The following CEP295 variants were observed in gnomAD, a reference collection of about 807,000 sequenced individuals.
The protein encoded by CEP295 is centrosomal protein 295, also known as centrosomal protein of 295 kDa.
In CEP295, 190 loss-of-function variants were observed where a neutral mutation model predicts 291.6. That is an observed-to-expected ratio of 0.65 (90% CI 0.58 to 0.73). The LOEUF (loss-of-function observed/expected upper bound fraction) is 0.73. Among genes scored for constraint, CEP295 ranks in the 30% least tolerant of loss-of-function variants. The probability of loss-of-function intolerance (pLI) is 0.00; values close to 1 mark genes in which losing one functional copy is unlikely to be tolerated. For missense variants in CEP295, 2,863 were observed against 2,949.4 expected (o/e 0.97, Z 0.68); for synonymous variants, 993 against 1,038.8 (o/e 0.96, Z 0.85).
rs1951953913 is a variant in CEP295 at position 93,698,288 on chromosome 11, C to G, written c.3376C>G (p.Leu1126Val). The change falls in exon 15 of 30, where the codon CTT becomes GTT. Residue 1126 changes from leucine (L) to valine (V), a missense_variant. Leu to Val is a conservative substitution (Grantham distance 32). Coordinates refer to ENST00000325212, the MANE Select transcript of CEP295 (RefSeq NM_033395.2). The part of the protein sequence containing the change: ...AKAEPRRIQE[L>V]YLSEKENVGP... ...AGCTGAGCCTAGGAGAATTCAGGAG[C>G]TTTATTTATCTGAGAAGGAGAATGT... 8 of 1,551,794 alleles carry G rather than the reference C, an allele frequency of 5.2e-6. No homozygotes were observed. Among genetic ancestry groups the G allele is most frequent in the Non-Finnish European group, 7.0e-6 (8 of 1,146,980 alleles).
intron 6 of CEP295, among the ~76,000 whole-genome samples, chr11:93,678,018 T>C (rs1444252444): frequency 6.6e-6 from 1 of 152,178 alleles, no homozygotes; most frequent in East Asian, 1.9e-4. Context: ...TTGTGGTCCC[T>C]AACTTTTTCT....
chr11:93,689,892 T>C (rs1951431474), intron 10 of CEP295, among the ~76,000 whole-genome samples: 1 of 152,178 alleles, frequency 6.6e-6, no homozygotes, highest in Non-Finnish European at 1.5e-5. Context: ...TCTAGACATA[T>C]ATATGATATT....
Position 93,698,017 on chromosome 11 carries a change from C to T in CEP295, c.3105C>T (p.Asp1035=), listed in dbSNP as rs1350995289. ...SEKGLVSCQS[D]IPISQDGSLS... is the part of the protein sequence containing the mutation. ...AAGGACTTGTTTCATGCCAATCTGACATCCCCATATCTCAGGATGGGTCTT... is the reference window on the plus strand; with the variant it reads ...AAGGACTTGTTTCATGCCAATCTGATATCCCCATATCTCAGGATGGGTCTT... The change falls in exon 15 of 30, where the codon GAC becomes GAT. Residue 1035 remains aspartate, a synonymous_variant. Coordinates refer to ENST00000325212, the MANE Select transcript of CEP295 (RefSeq NM_033395.2). 1 of 1,551,780 alleles carries T rather than the reference C, an allele frequency of 6.4e-7. No homozygotes were observed. The highest frequency in any genetic ancestry group is 2.0e-5 in the Admixed American group (1 of 51,002).
chr11:93,700,292 C>G, intron 15 of CEP295, 106 bp downstream of exon 15: 1 of 1,022,430 alleles, frequency 9.8e-7, no homozygotes, highest in Non-Finnish European at 1.4e-6. Flanking sequence ...AGTAGTTTGA[C>G]CTTAACTGTG....
intron 6 of CEP295, among the ~76,000 whole-genome samples, chr11:93,676,113 G>A (rs989630774): frequency 1.3e-5 from 2 of 151,828 alleles, no homozygotes; most frequent in Non-Finnish European, 2.9e-5. Flanking sequence ...TTTCATGGTA[G>A]CATTTATTTA....
Position 93,691,692 on chromosome 11 carries a change from G to C in CEP295, c.1346G>C (p.Ser449Thr), listed in dbSNP as rs1485374735. 5.2e-6 allele frequency: 8 copies of C among 1,535,722 alleles called. No homozygotes were observed. The highest frequency in any genetic ancestry group is 4.0e-5 in the Admixed American group (2 of 49,790). The change falls in exon 11 of 30, where the codon AGT becomes ACT. Residue 449 changes from serine (S) to threonine (T), a missense_variant. This residue lies in a region of CEP295 where 554 missense variants were observed against 576.0 expected (regional missense o/e 0.96). Coordinates refer to ENST00000325212, the MANE Select transcript of CEP295 (RefSeq NM_033395.2). ...GTATTATCTATTACAGTTGTTGAAA[G>C]TGATACACTAACAATTGAGTCTGGA... ...LSSGQEQVVESDTLTIESGPL... is the reference protein window; with the variant it reads ...LSSGQEQVVETDTLTIESGPL...
At position 93,696,765 on chromosome 11, in the gene CEP295, C is replaced by T. The variant is rs964704092; in HGVS notation, c.1853C>T (p.Ser618Leu). The T allele has an allele frequency of 6.4e-6, 10 of 1,551,434 alleles. No individual in the cohort carries two copies. In the Admixed American group the frequency reaches 1.8e-4, roughly 27 times the overall value. Residue 618 changes from serine (S) to leucine (L), a missense_variant, in exon 15 of 30, where the codon TCA (serine) becomes TTA (leucine). Physicochemically the swap from Ser to Leu is moderately radical, Grantham distance 145. Transcript: ENST00000325212. ...TTAAAAGGAAGGTGCCCATCGGTGT[C>T]AGCTCCATCATTGATAACTGATTCT... ...TMLKGRCPSV[S>L]APSLITDSVI...
intron 18 of CEP295, among the ~76,000 whole-genome samples, chr11:93,707,930 C>T (rs960660266): frequency 6.6e-6 from 1 of 152,118 alleles, no homozygotes; most frequent in Non-Finnish European, 1.5e-5. Flanking sequence ...AAAAAATTGA[C>T]TTTAACATCT....
chr11:93,690,508 G>A (rs1229905231), intron 10 of CEP295, among the ~76,000 whole-genome samples: 2 of 149,016 alleles, frequency 1.3e-5, no homozygotes, highest in African/African-American at 5.0e-5. Flanking sequence ...GCAGTGAGCC[G>A]AGATCGGGCC....
At position 93,698,815 on chromosome 11, in the gene CEP295, T is replaced by C. The variant is rs1452053591; in HGVS notation, c.3903T>C (p.Thr1301=). Residue 1301 remains threonine, a synonymous_variant, in exon 15 of 30, where the codon ACT becomes ACC. Transcript: ENST00000325212. ...FIPQLVQLSF[T]SLASAESGTI... ...CCCAGTTGGTACAGCTTTCATTTAC[T>C]TCGTTAGCTTCAGCTGAGTCTGGCA... 1 of 1,551,744 alleles carries C rather than the reference T, an allele frequency of 6.4e-7. No individual in the cohort carries two copies. The highest frequency in any genetic ancestry group is 1.2e-5 in the South Asian group (1 of 84,066).
At chr11:93,688,330 A>G (rs928343681) in intron 10 of CEP295, among the ~76,000 whole-genome samples, 1 of 152,200 alleles carries the variant, frequency 6.6e-6, no homozygotes, top group African/African-American at 2.4e-5. Flanking sequence ...TACTTTTCTG[A>G]TTGGAAAAAT....
chr11:93,666,713 G>T lies in CEP295; in HGVS notation c.6G>T (p.Lys2Asn). 1 of 1,513,230 alleles carries T rather than the reference G, an allele frequency of 6.6e-7. No individual in the cohort carries two copies. The highest frequency in any genetic ancestry group is 9.0e-7 in the Non-Finnish European group (1 of 1,116,194). 93.7% of individuals were successfully genotyped at this position (1,513,230 alleles called of 1,614,324 possible). A position where few individuals can be genotyped will look rare whatever the true frequency, so the allele number is the denominator to read the frequency against. Residue 2 changes from lysine to asparagine, a missense_variant, in exon 2 of 30, where the codon AAG becomes AAT. Lys to Asn is a moderately conservative substitution (Grantham distance 94, BLOSUM62 0). Around this residue, in one of 3 missense-constraint regions of CEP295, gnomAD observed 554 missense variants for 576.0 expected, o/e 0.96. Transcript: ENST00000325212. M[K>N]RKVVNTHKLR... ...CATACATAAAGTACACAGAAATGAA[G>T]AGAAAAGTCGTGAATACTCACAAGC...
intron 15 of CEP295, among the ~76,000 whole-genome samples, chr11:93,701,594 G>GT (rs1158903011): frequency 1.3e-5 from 2 of 151,776 alleles, no homozygotes; most frequent in African/African-American, 2.4e-5. Context: ...TTTTTTGTTT[G>GT]TTTTTTGTTT....
At chr11:93,671,028 A>G (rs1488688782) in intron 5 of CEP295, among the ~76,000 whole-genome samples, 1 of 152,056 alleles carries the variant, frequency 6.6e-6, no homozygotes, top group African/African-American at 2.4e-5. Flanking sequence ...GATTATAGGC[A>G]TCTGCCACCA....
chr11:93,687,949 G>T (rs1433378945), intron 10 of CEP295, 84 bp downstream of exon 10: 10 of 914,998 alleles, frequency 1.1e-5, no homozygotes, highest in Non-Finnish European at 1.6e-5. Flanking sequence ...TCAAAGAATA[G>T]AGGTTAAAAG....
At chr11:93,663,765 A>C (rs1248428807) in intron 1 of CEP295, among the ~76,000 whole-genome samples, 1 of 152,220 alleles carries the variant, frequency 6.6e-6, no homozygotes, top group Non-Finnish European at 1.5e-5. Flanking sequence ...ATAAATGTTT[A>C]TATGTTTTTC....
At chr11:93,679,002 G>C (rs1950834761) in intron 6 of CEP295, among the ~76,000 whole-genome samples, 1 of 152,042 alleles carries the variant, frequency 6.6e-6, no homozygotes, top group African/African-American at 2.4e-5. Context: ...GATTATAGGT[G>C]CCCGCCACCA....
chr11:93,716,085 G>A lies in CEP295; in HGVS notation c.5750-5227G>A, dbSNP rs1755483652. ...CTAGTGCTGCAGTTGCAGTCTTTGT[G>A]GCCTAAACAGCCTTTCAAGTTTGTT... On this transcript the variant is annotated intron_variant, in intron 18 of 29. Transcript: ENST00000325212. Among the ~76,000 whole-genome samples the A allele has an allele frequency of 2.0e-5, 3 of 152,154 alleles. No individual in the cohort carries two copies. The East Asian group carries it at 5.8e-4, about 30-fold the overall frequency.
At position 93,695,684 on chromosome 11, in the gene CEP295, C is replaced by A. The variant is rs1309459689; in HGVS notation, c.1671+50C>A. 3 of 1,466,696 alleles carry A rather than the reference C, an allele frequency of 2.0e-6. No homozygotes were observed. In the African/African-American group the frequency reaches 4.4e-5, roughly 22 times the overall value. 90.9% of individuals were successfully genotyped at this position (1,466,696 alleles called of 1,614,324 possible). A position where few individuals can be genotyped will look rare whatever the true frequency, so the allele number is the denominator to read the frequency against. On this transcript the variant is annotated intron_variant, in intron 13 of 29. Transcript: ENST00000325212. Reference sequence around the variant, plus strand: ...TACATAAATCATTTGGTAAGGGGGGCAAGAAAATATGAGCACTTGTAGCGT... The same window carrying A: ...TACATAAATCATTTGGTAAGGGGGGAAAGAAAATATGAGCACTTGTAGCGT...
Sources: allele counts gnomAD v4.1 joint callset (sites outside exome capture counted in the v4.1 genomes callset), GRCh38; gene constraint gnomAD v4.1.1; regional missense constraint gnomAD v4.1.1; transcripts MANE v1.5; gene names NCBI Gene and HGNC (gene_info 2026-07-23, HGNC 2026-07-21).